The following MARK3 variants were observed in gnomAD, a reference collection of about 807,000 sequenced individuals.
MARK3 encodes the protein MAP/microtubule affinity-regulating kinase 3.
MARK3 carries 46 observed loss-of-function variants against 90.1 expected under a neutral mutation model. That is an observed-to-expected ratio of 0.51 (90% CI 0.40 to 0.65). The LOEUF (loss-of-function observed/expected upper bound fraction) is 0.65. Ranked by LOEUF, MARK3 falls within the 30% of genes least tolerant of loss-of-function variation. MARK3 has a pLI of 0.00. For synonymous variants in MARK3, 321 were observed against 332.6 expected, an observed-to-expected ratio of 0.97 and a Z score of 0.38; for missense variants, 818 against 947.2, an observed-to-expected ratio of 0.86 and a Z score of 1.79.
chr14:103,429,758 A>G (rs889698846), intron 3 of MARK3, among the ~76,000 whole-genome samples: 1 of 152,220 alleles, frequency 6.6e-6, no homozygotes, highest in Non-Finnish European at 1.5e-5. Flanking sequence ...TAAATACATT[A>G]GAGTTTAATA....
chr14:103,393,326 C>T (rs2090383743), intron 1 of MARK3, among the ~76,000 whole-genome samples: 1 of 152,162 alleles, frequency 6.6e-6, no homozygotes, highest in Non-Finnish European at 1.5e-5. Context: ...CCTGTTGAAT[C>T]AAGCTGTTTG....
chr14:103,458,587 A>G lies in MARK3; in HGVS notation c.483+1375A>G, dbSNP rs2093330639. On this transcript the variant is annotated intron_variant, in intron 6 of 17. Transcript: ENST00000429436. ...TGTAGCCAGAGGCCATAATTTGCCA[A>G]CCCCTGATTTAGACGAAGGAAAGGA... 6.5e-6 allele frequency: 3 copies of G among 461,672 alleles called. No individual in the cohort carries two copies. The South Asian group carries it at 1.4e-4, about 22-fold the overall frequency. The allele number at this position is 461,672 out of a possible 1,614,324, so 28.6% of individuals were successfully genotyped here.
chr14:103,493,887 A>C (rs924550235), intron 15 of MARK3, among the ~76,000 whole-genome samples: 4 of 151,458 alleles, frequency 2.6e-5, no homozygotes, highest in African/African-American at 4.9e-5. Flanking sequence ...AAAAAAAAAA[A>C]AAAAAACTTT....
chr14:103,402,705 T>C (rs1175509357), intron 1 of MARK3, among the ~76,000 whole-genome samples: 1 of 152,142 alleles, frequency 6.6e-6, no homozygotes, highest in Non-Finnish European at 1.5e-5. Flanking sequence ...AGTTAAAATA[T>C]GTTATTTGGG....
chr14:103,437,966 A>G (rs1371696324), intron 3 of MARK3, among the ~76,000 whole-genome samples: 1 of 152,150 alleles, frequency 6.6e-6, no homozygotes, highest in Non-Finnish European at 1.5e-5. Context: ...ATAGCATTGC[A>G]TGTACTTTTC....
intron 1 of MARK3, among the ~76,000 whole-genome samples, chr14:103,390,288 A>T: frequency 6.6e-6 from 1 of 152,202 alleles, no homozygotes; most frequent in East Asian, 1.9e-4. Flanking sequence ...TTATAGCTCA[A>T]AAGAACTACT....
At chr14:103,397,337 T>C (rs1365751301) in intron 1 of MARK3, among the ~76,000 whole-genome samples, 1 of 151,508 alleles carries the variant, frequency 6.6e-6, no homozygotes, top group African/African-American at 2.4e-5. Context: ...TTTTTTTTTT[T>C]TTTTTTTGAG....
At chr14:103,414,098 A>C (rs1566798345) in intron 2 of MARK3, among the ~76,000 whole-genome samples, 2 of 152,188 alleles carry the variant, frequency 1.3e-5, no homozygotes, top group Non-Finnish European at 2.9e-5. Flanking sequence ...TTAACTAGAA[A>C]ACTGATTTTA....
chr14:103,501,899 C>A (rs947379019), intron 17 of MARK3, among the ~76,000 whole-genome samples: 1 of 152,174 alleles, frequency 6.6e-6, no homozygotes. Context: ...GTTGGTGACA[C>A]GGAGAGCTAT....
chr14:103,450,285 C>G (rs895144139), intron 4 of MARK3, among the ~76,000 whole-genome samples: 6 of 152,090 alleles, frequency 3.9e-5, no homozygotes, highest in African/African-American at 1.4e-4. Context: ...TCATTTCAAT[C>G]CTTTGGGGCT....
At chr14:103,458,591 C>T in intron 6 of MARK3, 2 of 467,108 alleles carry the variant, frequency 4.3e-6, no homozygotes, top group East Asian at 6.6e-5. Context: ...TTGCCAACCC[C>T]TGATTTAGAC....
At chr14:103,495,958 G>A (rs1169085334) in intron 15 of MARK3, among the ~76,000 whole-genome samples, 1 of 152,226 alleles carries the variant, frequency 6.6e-6, no homozygotes, top group Non-Finnish European at 1.5e-5. Context: ...GTCTGGAGAG[G>A]GCTGCAGTCA....
chr14:103,403,983 A>G (rs530970825), intron 1 of MARK3, among the ~76,000 whole-genome samples: 120 of 152,354 alleles, frequency 7.9e-4, no homozygotes, highest in Non-Finnish European at 1.2e-3. Context: ...ACAAGAGCCT[A>G]TCCCCTAACC....
chr14:103,494,817 A>G (rs150758574), intron 15 of MARK3, among the ~76,000 whole-genome samples: 1,527 of 152,100 alleles, frequency 0.01, 30 homozygotes, highest in African/African-American at 0.035. Flanking sequence ...TTGTATTTTT[A>G]GTAGAGACCC....
intron 15 of MARK3, among the ~76,000 whole-genome samples, chr14:103,494,951 TAC>T (rs1383021609): frequency 6.6e-6 from 1 of 152,228 alleles, no homozygotes; most frequent in Non-Finnish European, 1.5e-5. Flanking sequence ...TATACATAGA[TAC>T]AGTCATATTC....
intron 3 of MARK3, among the ~76,000 whole-genome samples, chr14:103,436,722 C>T (rs2044509503): frequency 1.3e-5 from 2 of 152,162 alleles, no homozygotes; most frequent in Admixed American, 1.3e-4. Context: ...AAGCAATCCT[C>T]CCGTCTTGGC....
intron 12 of MARK3, among the ~76,000 whole-genome samples, chr14:103,468,821 G>A (rs1232733545): frequency 1.1e-4 from 17 of 149,214 alleles, no homozygotes; most frequent in Admixed American, 2.7e-4. Flanking sequence ...GGAGATGGGG[G>A]TCTCGCTATG....
intron 1 of MARK3, among the ~76,000 whole-genome samples, chr14:103,397,067 T>C (rs2090625538): frequency 6.6e-6 from 1 of 152,200 alleles, no homozygotes. Flanking sequence ...ATGTTTCTTT[T>C]TACATTTTTT....
intron 14 of MARK3, among the ~76,000 whole-genome samples, chr14:103,488,210 TGTTA>T (rs1359084557): frequency 2.6e-5 from 4 of 152,172 alleles, no homozygotes. Context: ...ATAAAAGGGC[TGTTA>T]GTTCATATAA....
Sources: gnomAD v4.1 joint callset for allele counts (sites outside exome capture counted in the v4.1 genomes callset) on GRCh38, gnomAD v4.1.1 for gene constraint, MANE v1.5 for transcripts, NCBI Gene and HGNC (gene_info 2026-07-23, HGNC 2026-07-21) for gene names.